Variants in NSD3 observed in about 807,000 individuals in gnomAD.
NSD3 encodes nuclear receptor binding SET domain protein 3.
NSD3 carries 24 observed loss-of-function variants against 160.8 expected under a neutral mutation model. The ratio of observed to expected loss-of-function variants is 0.15; its 90% CI spans 0.11 to 0.21. NSD3 has a LOEUF of 0.21. NSD3 is among the 10% of genes least tolerant of loss of function. The pLI, the probability that NSD3 is intolerant of heterozygous loss-of-function variation, is 1.00. For synonymous variants in NSD3, 520 were observed against 600.0 expected, an observed-to-expected ratio of 0.87 and a Z score of 1.95; for missense variants, 1,157 against 1,735.9, an observed-to-expected ratio of 0.67 and a Z score of 5.93.
In NSD3 at chr8:38,321,477, A is replaced by G. The variant is rs1428647646; in HGVS notation, c.1709-305T>C. ...AGACACATTAGTTTTAAAGGCACAT[A>G]AACATCTTTAGGTAAATATAATTAG... On this transcript the variant is annotated intron_variant, in intron 7 of 23. Transcript: ENST00000317025. This position sits in a 1 kb window ranked among gnomAD's most constrained non-coding sequence, Gnocchi z 4.7. Among the ~76,000 whole-genome samples, 1 of 152,206 alleles carries G rather than the reference A, an allele frequency of 6.6e-6. No individual in the cohort carries two copies. The highest frequency in any genetic ancestry group is 1.5e-5 in the Non-Finnish European group (1 of 68,038).
At chr8:38,286,901 C>G (rs564738275) in intron 19 of NSD3, among the ~76,000 whole-genome samples, 1 of 152,222 alleles carries the variant, frequency 6.6e-6, no homozygotes, top group Non-Finnish European at 1.5e-5. Context: ...TCTCCCTGAG[C>G]CAATCACTTG....
intron 12 of NSD3, among the ~76,000 whole-genome samples, chr8:38,307,125 A>T (rs867180804): frequency 0.018 from 2,568 of 146,360 alleles, 41 homozygotes; most frequent in East Asian, 0.045. Flanking sequence ...AAAAAAAAAA[A>T]AAATAAAATA....
intron 1 of NSD3, among the ~76,000 whole-genome samples, chr8:38,365,635 G>A (rs1811088013): frequency 6.6e-6 from 1 of 152,018 alleles, no homozygotes; most frequent in South Asian, 2.1e-4. Flanking sequence ...ATCATGCCTG[G>A]CTAATTTTTG....
intron 4 of NSD3, chr8:38,336,331 C>T (rs1810214992): frequency 6.6e-6 from 1 of 152,232 alleles, no homozygotes; most frequent in Admixed American, 6.5e-5. Context: ...CAGCAATCTA[C>T]TCCACATCAT....
Position 38,317,331 on chromosome 8 carries a change from T to G in NSD3, c.1856-1289A>C. On this transcript the variant is annotated intron_variant, in intron 9 of 23. Transcript: ENST00000317025. This position sits in a 1 kb window ranked among gnomAD's most constrained non-coding sequence, Gnocchi z 5.3. ...AAAAACACAAGTACACAAATCTATCTCCTTCATTGCTGGTGTATGGACCCA... is the reference window on the plus strand; with the variant it reads ...AAAAACACAAGTACACAAATCTATCGCCTTCATTGCTGGTGTATGGACCCA... 1 of 1,058,192 alleles carries G rather than the reference T, an allele frequency of 9.5e-7. No individual in the cohort carries two copies. Among genetic ancestry groups the G allele is most frequent in the Non-Finnish European group, 1.1e-6 (1 of 874,714 alleles). 65.6% of individuals were successfully genotyped at this position (1,058,192 alleles called of 1,614,324 possible). A position where few individuals can be genotyped will look rare whatever the true frequency, so the allele number is the denominator to read the frequency against.
chr8:38,329,647 C>G lies in NSD3; in HGVS notation c.1312G>C (p.Val438Leu). Residue 438 changes from valine to leucine, a missense_variant, in exon 6 of 24, where the codon GTG (valine) becomes CTG (leucine). Physicochemically the swap from Val to Leu is conservative, Grantham distance 32 (BLOSUM62 1). Coordinates refer to ENST00000317025, the MANE Select transcript of NSD3 (RefSeq NM_023034.2). This position sits in a 1 kb window ranked among gnomAD's most constrained non-coding sequence, Gnocchi z 4.8. ...TQPEQTNAGE[V>L]ASSLSSTEIR... ...TCAGTACTTGAGAGTGAGGAGGCCA[C>G]CTCCCCTGCATTGGTCTGTTCTGGC... 6.2e-7 allele frequency: 1 copy of G among 1,614,232 alleles called. No homozygotes were observed. Among genetic ancestry groups the G allele is most frequent in the Admixed American group, 1.7e-5 (1 of 60,026 alleles).
chr8:38,328,461 T>C (rs879856608), intron 6 of NSD3, among the ~76,000 whole-genome samples: 5 of 152,202 alleles, frequency 3.3e-5, no homozygotes, highest in Admixed American at 1.3e-4. Context: ...TTCAAGTTTT[T>C]GCAGGTAGCT....
chr8:38,337,177 T>G (rs564429671), intron 4 of NSD3, 128 bp downstream of exon 4: 4 of 881,914 alleles, frequency 4.5e-6, no homozygotes, highest in Non-Finnish European at 3.1e-6. Flanking sequence ...TCCACAAAAC[T>G]GATACGGATA....
chr8:38,369,450 G>C (rs1811184220), intron 1 of NSD3, among the ~76,000 whole-genome samples: 1 of 152,154 alleles, frequency 6.6e-6, no homozygotes, highest in Non-Finnish European at 1.5e-5. Flanking sequence ...ATTCTCTTCA[G>C]GTATTAGTTG....
intron 2 of NSD3, among the ~76,000 whole-genome samples, chr8:38,341,524 C>T (rs34909561): frequency 0.015 from 2,149 of 144,552 alleles, 25 homozygotes; most frequent in Non-Finnish European, 0.022. Flanking sequence ...GGTGACAGAG[C>T]GAGACTCCGT....
chr8:38,334,172 A>G (rs927944318), intron 4 of NSD3, among the ~76,000 whole-genome samples: 1 of 152,264 alleles, frequency 6.6e-6, no homozygotes, highest in African/African-American at 2.4e-5. Flanking sequence ...TATACTATAT[A>G]GCCATAAATG....
chr8:38,337,219 T>C lies in NSD3; in HGVS notation c.910+86A>G, dbSNP rs950235503. The C allele has an allele frequency of 1.1e-4, 133 of 1,170,404 alleles. No homozygotes were observed. In the Middle Eastern group the frequency reaches 1.2e-3, roughly 11 times the overall value. The allele number at this position is 1,170,404 out of a possible 1,614,324, so 72.5% of individuals were successfully genotyped here. A position where few individuals can be genotyped will look rare whatever the true frequency, so the allele number is the denominator to read the frequency against. On this transcript the variant is annotated intron_variant, in intron 4 of 23. Coordinates refer to ENST00000317025, the MANE Select transcript of NSD3 (RefSeq NM_023034.2). ...TTTTTGTATCAGATTATATATTACG[T>C]GTGTATTCTTATATTCACATACAAC... is the stretch of plus-strand genomic sequence containing the variant.
chr8:38,354,887 G>A (rs1585917828), intron 1 of NSD3, among the ~76,000 whole-genome samples: 2 of 152,214 alleles, frequency 1.3e-5, no homozygotes, highest in Admixed American at 6.5e-5. Flanking sequence ...TCTAGAAACC[G>A]TAAGCATTAA....
At chr8:38,291,171 G>C (rs917856918) in intron 16 of NSD3, among the ~76,000 whole-genome samples, 2 of 152,040 alleles carry the variant, frequency 1.3e-5, no homozygotes, top group African/African-American at 4.8e-5. Flanking sequence ...AACACCTCTT[G>C]GTCAAATGTA....
chr8:38,297,915 T>G (rs1454270018), intron 15 of NSD3, among the ~76,000 whole-genome samples: 1 of 152,136 alleles, frequency 6.6e-6, no homozygotes, highest in Non-Finnish European at 1.5e-5. Flanking sequence ...CCTAGAAAAG[T>G]CAGGCTGGCC....
In NSD3 at chr8:38,273,520, C is replaced by T. The variant is rs539419017; in HGVS notation, c.*2121G>A. The T allele has an allele frequency of 2.0e-5, 3 of 152,078 alleles. No individual in the cohort carries two copies. Among genetic ancestry groups the T allele is most frequent in the Admixed American group, 6.5e-5 (1 of 15,276 alleles). 9.4% of individuals were successfully genotyped at this position (152,078 alleles called of 1,614,324 possible). A position where few individuals can be genotyped will look rare whatever the true frequency, so the allele number is the denominator to read the frequency against. On this transcript the variant is annotated 3_prime_UTR_variant, in exon 24 of 24. Transcript: ENST00000317025. ...TAGTAAATAGCACTAAGTCTAAAAG[C>T]AAGGAGATAAGATTTCATGTTGGAT...
intron 1 of NSD3, among the ~76,000 whole-genome samples, chr8:38,370,672 C>T (rs956127873): frequency 6.6e-6 from 1 of 151,956 alleles, no homozygotes. Flanking sequence ...TATAATATTG[C>T]TGGGTTTAAA....
At chr8:38,339,308 C>T (rs1166175863) in intron 2 of NSD3, among the ~76,000 whole-genome samples, 1 of 152,138 alleles carries the variant, frequency 6.6e-6, no homozygotes, top group East Asian at 1.9e-4. Context: ...ATTAAATTTT[C>T]AGACTCTGAC....
intron 12 of NSD3, among the ~76,000 whole-genome samples, chr8:38,313,155 A>G (rs565433276): frequency 7.9e-5 from 12 of 152,148 alleles, no homozygotes; most frequent in Non-Finnish European, 1.3e-4. Context: ...ATTTTAAGTT[A>G]TATGTTCTAA....
Sources: allele counts gnomAD v4.1 joint callset (sites outside exome capture counted in the v4.1 genomes callset), GRCh38; gene constraint gnomAD v4.1.1; non-coding constraint Gnocchi (gnomAD v3.1); transcripts MANE v1.5; gene names NCBI Gene and HGNC (gene_info 2026-07-23, HGNC 2026-07-21).